The following WDPCP variants were observed in gnomAD, a reference collection of about 807,000 sequenced individuals.
The protein encoded by WDPCP is WD repeat-containing and planar cell polarity effector protein fritz homolog.
WDPCP carries 71 observed loss-of-function variants against 93.1 expected under a neutral mutation model. The ratio of observed to expected loss-of-function variants is 0.76; its 90% CI spans 0.63 to 0.93. The LOEUF is 0.93. Ranked by LOEUF, WDPCP falls within the 40% of genes least tolerant of loss-of-function variation. WDPCP has a pLI of 0.00. For synonymous variants in WDPCP, 315 were observed against 315.0 expected (o/e 1.00, Z 0.00); for missense variants, 844 against 887.4 (o/e 0.95, Z 0.62).
chr2:63,299,650 C>T (rs115096096), intron 13 of WDPCP, among the ~76,000 whole-genome samples: 292 of 152,232 alleles, frequency 1.9e-3, no homozygotes, highest in African/African-American at 6.1e-3. Context: ...GGGGTGCATA[C>T]GAGCCTCGAG....
rs867905558 is a variant in WDPCP at position 63,486,581 on chromosome 2, C to A, written c.214G>T (p.Glu72Ter). ...YYDKKDPPAT[E>*]HGNLEKKQKL... ...TGCTTCTTTTCTAAGTTACCATGCT[C>A]TGTCGCTGATATTGTGGCAGAAGGG... The change falls in exon 4 of 18, where the codon GAG becomes TAG. Residue 72 changes from glutamate (E) to a stop codon, truncating the protein, a stop_gained. Transcript: ENST00000272321. LOFTEE classifies it high-confidence loss of function. The A allele has an allele frequency of 6.3e-7, 1 of 1,575,100 alleles. No individual in the cohort carries two copies. Among genetic ancestry groups the A allele is most frequent in the South Asian group, 1.2e-5 (1 of 86,608 alleles).
rs181125295 is a variant in WDPCP, at chr2:63,766,334, A to T, written n.308+47288T>A. 3.2e-3 allele frequency among the ~76,000 whole-genome samples: 467 copies of T among 145,528 alleles called. 6 individuals carry two copies. Among genetic ancestry groups the T allele is most frequent in the East Asian group, 0.022 (110 of 5,052 alleles). ...GGAAGTAAATATGCCCAAATATTAA[A>T]TTTTTTTTTTTTTTAGACAGGATCT... On this transcript the variant is annotated intron_variant and non_coding_transcript_variant, in intron 2 of 4. Coordinates refer to the WDPCP transcript ENST00000467687.
chr2:63,426,726 A>G (rs1696329560), intron 9 of WDPCP, among the ~76,000 whole-genome samples: 1 of 152,250 alleles, frequency 6.6e-6, no homozygotes. Context: ...TTAACTTTGA[A>G]TGTAAATGGT....
At chr2:63,369,450 CCTCA>C (rs1691203507) in intron 12 of WDPCP, 2 of 456,574 alleles carry the variant, frequency 4.4e-6, no homozygotes, top group East Asian at 1.4e-4. Context: ...CTACCCAGGT[CCTCA>C]CTCACTGAAT....
chr2:63,221,475 C>G (rs1422010738), intron 14 of WDPCP, among the ~76,000 whole-genome samples: 1 of 152,180 alleles, frequency 6.6e-6, no homozygotes, highest in East Asian at 1.9e-4. Context: ...GCACATCTAC[C>G]ACTATCAGGA....
At chr2:63,201,016 T>C (rs1675869269) in intron 14 of WDPCP, among the ~76,000 whole-genome samples, 2 of 152,100 alleles carry the variant, frequency 1.3e-5, no homozygotes, top group Non-Finnish European at 2.9e-5. Flanking sequence ...ATCTACCAAA[T>C]CTAATGTCAA....
upstream of WDPCP, chr2:63,589,438 CCA>C (rs1491508022): frequency 2.9e-5 from 44 of 1,510,382 alleles, no homozygotes; most frequent in South Asian, 3.6e-5. Flanking sequence ...CCTCATTTGC[CCA>C]CAGTGTTTAT....
chr2:63,763,156 C>G (rs1316961434), intron 2 of WDPCP, among the ~76,000 whole-genome samples: 1 of 152,046 alleles, frequency 6.6e-6, no homozygotes, highest in Admixed American at 6.6e-5. Flanking sequence ...CCTTATTGTT[C>G]TCAGTATTCC....
chr2:63,344,984 T>C (rs1169549259), intron 12 of WDPCP, among the ~76,000 whole-genome samples: 1 of 152,216 alleles, frequency 6.6e-6, no homozygotes, highest in Non-Finnish European at 1.5e-5. Context: ...ACTCACCTGA[T>C]TGCTCTGTTT....
intron 14 of WDPCP, among the ~76,000 whole-genome samples, chr2:63,217,681 G>A (rs953683167): frequency 6.6e-6 from 1 of 152,158 alleles, no homozygotes; most frequent in Non-Finnish European, 1.5e-5. Context: ...ATATCATTTT[G>A]TGCTGAGCCA....
chr2:63,707,048 C>G (rs1260470930), intron 2 of WDPCP, among the ~76,000 whole-genome samples: 1 of 152,156 alleles, frequency 6.6e-6, no homozygotes, highest in Non-Finnish European at 1.5e-5. Flanking sequence ...TTCTTTCTGG[C>G]TGCCTTTAAC....
At chr2:63,182,436 G>A (rs1042483644) in intron 14 of WDPCP, among the ~76,000 whole-genome samples, 23 of 152,010 alleles carry the variant, frequency 1.5e-4, no homozygotes, top group African/African-American at 5.5e-4. Context: ...CTTATGTAAT[G>A]AATCAAATTT....
At chr2:63,491,456 T>A (rs192227380) in intron 2 of WDPCP, among the ~76,000 whole-genome samples, 1 of 152,318 alleles carries the variant, frequency 6.6e-6, no homozygotes, top group Non-Finnish European at 1.5e-5. Flanking sequence ...CTCAAACGTC[T>A]ATATACTAGG....
At chr2:63,644,089 C>A in intron 3 of WDPCP, 3 of 353,240 alleles carry the variant, frequency 8.5e-6, no homozygotes, top group Non-Finnish European at 1.1e-5. Context: ...TCTTTTTAAT[C>A]TGGTTTGTTA....
At chr2:63,529,771 G>A (rs1444335108) in intron 1 of WDPCP, among the ~76,000 whole-genome samples, 4 of 152,162 alleles carry the variant, frequency 2.6e-5, no homozygotes, top group African/African-American at 7.2e-5. Context: ...CAGAAGGAAT[G>A]GTACCAGCTC....
At chr2:63,789,220 G>A (rs542984111) in intron 2 of WDPCP, among the ~76,000 whole-genome samples, 1 of 152,162 alleles carries the variant, frequency 6.6e-6, no homozygotes, top group East Asian at 1.9e-4. Context: ...GTAATTTTTA[G>A]TGGTATTTGT....
chr2:63,803,816 T>G (rs115696440), intron 2 of WDPCP, among the ~76,000 whole-genome samples: 246 of 152,338 alleles, frequency 1.6e-3, no homozygotes, highest in Non-Finnish European at 2.8e-3. Context: ...TTTTCAGATA[T>G]GTTTTGGGAA....
intron 12 of WDPCP, among the ~76,000 whole-genome samples, chr2:63,336,356 T>C (rs1288312725): frequency 6.6e-6 from 1 of 152,188 alleles, no homozygotes; most frequent in East Asian, 1.9e-4. Flanking sequence ...TTTCTTTCTT[T>C]TACCTAATTG....
intron 13 of WDPCP, among the ~76,000 whole-genome samples, chr2:63,268,817 A>C (rs1160173265): frequency 2.0e-5 from 3 of 152,188 alleles, no homozygotes; most frequent in African/African-American, 7.2e-5. Flanking sequence ...GATCATAAAA[A>C]ATAAATTGGT....
Sources: allele counts gnomAD v4.1 joint callset (sites outside exome capture counted in the v4.1 genomes callset), GRCh38; gene constraint gnomAD v4.1.1; transcripts MANE v1.5; gene names NCBI Gene and HGNC (gene_info 2026-07-23, HGNC 2026-07-21).